The following ZPBP variants were observed in gnomAD, a reference collection of about 807,000 sequenced individuals.
The protein encoded by ZPBP is zona pellucida-binding protein 1.
Under a neutral mutation model 44.8 loss-of-function variants are expected in ZPBP, and 26 were observed. That is an observed-to-expected ratio of 0.58 (90% confidence interval 0.43 to 0.81). The LOEUF is 0.81. Among genes scored for constraint, ZPBP ranks in the 30% least tolerant of loss-of-function variants. The pLI is 0.00. For missense variants in ZPBP, 409 were observed against 434.0 expected, an observed-to-expected ratio of 0.94 and a Z score of 0.51; for synonymous variants, 174 against 153.2, an observed-to-expected ratio of 1.14 and a Z score of -1.00.
At chr7:49,966,159 T>C (rs922016972) in intron 7 of ZPBP, among the ~76,000 whole-genome samples, 5 of 152,088 alleles carry the variant, frequency 3.3e-5, no homozygotes, top group African/African-American at 1.2e-4. Flanking sequence ...AAACAGACAC[T>C]TCCATAATTT....
chr7:50,006,409 C>T (rs1798314643), intron 6 of ZPBP, among the ~76,000 whole-genome samples: 1 of 151,946 alleles, frequency 6.6e-6, no homozygotes, highest in African/African-American at 2.4e-5. Flanking sequence ...TGAAATAATA[C>T]AAAGAATCTT....
At chr7:50,068,433 T>G (rs1445926766) in intron 3 of ZPBP, among the ~76,000 whole-genome samples, 1 of 151,912 alleles carries the variant, frequency 6.6e-6, no homozygotes, top group Non-Finnish European at 1.5e-5. Flanking sequence ...GGCCAGTGTT[T>G]TTTTTTTTTT....
intron 7 of ZPBP, among the ~76,000 whole-genome samples, chr7:49,946,766 C>T (rs973658844): frequency 1.4e-4 from 21 of 152,036 alleles, no homozygotes; most frequent in African/African-American, 4.8e-4. Context: ...TCTCTGTTAC[C>T]ATCCCTTTGA....
chr7:49,932,986 G>C (rs1794498412), downstream of ZPBP, among the ~76,000 whole-genome samples: 1 of 152,140 alleles, frequency 6.6e-6, no homozygotes, highest in Non-Finnish European at 1.5e-5. Context: ...CAGCCATGTG[G>C]AACTGTGAGT....
At chr7:49,957,206 G>A (rs1191876843) in intron 7 of ZPBP, among the ~76,000 whole-genome samples, 2 of 152,182 alleles carry the variant, frequency 1.3e-5, no homozygotes, top group African/African-American at 4.8e-5. Context: ...CTCCAGAACT[G>A]TGAGAAATAC....
intron 5 of ZPBP, among the ~76,000 whole-genome samples, chr7:50,023,455 AAT>A (rs1364005989): frequency 6.6e-6 from 1 of 152,084 alleles, no homozygotes; most frequent in African/African-American, 2.4e-5. Context: ...GATAAAAAAA[AAT>A]GTAGCCTCTA....
chr7:49,964,453 A>G (rs551150343), intron 7 of ZPBP, among the ~76,000 whole-genome samples: 32 of 152,206 alleles, frequency 2.1e-4, no homozygotes, highest in African/African-American at 7.5e-4. Context: ...AAGCCCACAT[A>G]CAAAATACAT....
intron 3 of ZPBP, among the ~76,000 whole-genome samples, chr7:50,067,533 T>C (rs1311137792): frequency 6.6e-6 from 1 of 152,222 alleles, no homozygotes; most frequent in Non-Finnish European, 1.5e-5. Flanking sequence ...CACCACTGTA[T>C]ACCTAGCTCA....
chr7:49,916,621 C>T (rs191723038), intron 1 of ZPBP: 1 of 152,166 alleles, frequency 6.6e-6, no homozygotes, highest in African/African-American at 2.4e-5. Flanking sequence ...GTGAAATATT[C>T]AATTCCCAAA....
intron 2 of ZPBP, among the ~76,000 whole-genome samples, chr7:49,885,731 G>C (rs1408933090): frequency 6.6e-6 from 1 of 152,218 alleles, no homozygotes. Context: ...GTAAGAAATT[G>C]GGGCTAATTT....
intron 7 of ZPBP, among the ~76,000 whole-genome samples, chr7:49,937,914 G>T (rs879817981): frequency 2.6e-5 from 4 of 152,124 alleles, no homozygotes; most frequent in Non-Finnish European, 5.9e-5. Context: ...TTTACTCTGA[G>T]ATTCCTGTAA....
Position 49,919,846 on chromosome 7 carries a change from A to T in ZPBP, n.411+15905T>A, listed in dbSNP as rs531026128. ...AAGAAAAAGATTTTCATTTTAAGATAGGCATCAGTGCAATAAAGGAGCTTG... is the reference window on the plus strand; with the variant it reads ...AAGAAAAAGATTTTCATTTTAAGATTGGCATCAGTGCAATAAAGGAGCTTG... On this transcript the variant is annotated intron_variant and non_coding_transcript_variant, in intron 1 of 2. Transcript: ENST00000465922. The T allele has an allele frequency of 8.5e-5, 13 of 152,310 alleles. No individual in the cohort carries two copies. In the East Asian group the frequency reaches 1.3e-3, roughly 16 times the overall value. The allele number at this position is 152,310 out of a possible 1,614,324, so 9.4% of individuals were successfully genotyped here.
intron 7 of ZPBP, among the ~76,000 whole-genome samples, chr7:49,978,039 G>C (rs980508071): frequency 6.6e-6 from 1 of 150,902 alleles, no homozygotes; most frequent in Non-Finnish European, 1.5e-5. Context: ...TTATGTCAAA[G>C]AATGCTACTT....
At chr7:50,042,372 G>A (rs1451472073) in intron 4 of ZPBP, among the ~76,000 whole-genome samples, 1 of 152,110 alleles carries the variant, frequency 6.6e-6, no homozygotes, top group Non-Finnish European at 1.5e-5. Context: ...ACACATAATT[G>A]TCAGACTCAC....
At chr7:49,891,670 T>C (rs1350241621) in intron 2 of ZPBP, among the ~76,000 whole-genome samples, 1 of 152,230 alleles carries the variant, frequency 6.6e-6, no homozygotes, top group Non-Finnish European at 1.5e-5. Context: ...AGTTCTTATA[T>C]ACTGATTCTG....
intron 3 of ZPBP, among the ~76,000 whole-genome samples, chr7:50,059,287 T>C (rs1801129466): frequency 6.6e-6 from 1 of 152,218 alleles, no homozygotes; most frequent in Admixed American, 6.5e-5. Context: ...TATTTATTTG[T>C]TCAGTAAATA....
intron 7 of ZPBP, among the ~76,000 whole-genome samples, chr7:49,967,404 A>C (rs2128767740): frequency 6.6e-6 from 1 of 152,292 alleles, no homozygotes; most frequent in East Asian, 1.9e-4. Context: ...TTGCACCAAA[A>C]TGCATCGTAC....
At chr7:50,030,926 T>G in intron 5 of ZPBP, among the ~76,000 whole-genome samples, 166 bp downstream of exon 5, 1 of 152,230 alleles carries the variant, frequency 6.6e-6, no homozygotes, top group East Asian at 1.9e-4. Flanking sequence ...ATCAGCAGAA[T>G]TCTATTTGAG....
chr7:50,091,241 G>C (rs796329981), intron 1 of ZPBP, among the ~76,000 whole-genome samples: 7 of 152,126 alleles, frequency 4.6e-5, no homozygotes, highest in African/African-American at 1.7e-4. Context: ...TCCTTTGCCA[G>C]ATGTATATAT....
Sources: allele counts gnomAD v4.1 joint callset (sites outside exome capture counted in the v4.1 genomes callset), GRCh38; gene constraint gnomAD v4.1.1; transcripts MANE v1.5; gene names NCBI Gene and HGNC (gene_info 2026-07-23, HGNC 2026-07-21).